SPMIP7: variants seen among roughly 807,000 people sequenced by gnomAD.
SPMIP7 encodes sperm microtubule inner protein 7.
At chr7:50,096,188 C>G in the SPMIP7 span, 4 of 1,551,716 alleles carry the variant, frequency 2.6e-6, no homozygotes, top group Non-Finnish European at 3.5e-6. Flanking sequence ...CTATTGTGAT[C>G]TCTTAAGAAA....
the SPMIP7 span, among the ~76,000 whole-genome samples, chr7:50,127,650 G>A: frequency 2.2e-5 from 3 of 133,874 alleles, no homozygotes; most frequent in African/African-American, 5.7e-5. Flanking sequence ...TTAAAAATGG[G>A]CAAAAGATAT....
chr7:50,105,280 TCA>T, the SPMIP7 span, among the ~76,000 whole-genome samples: 30 of 152,230 alleles, frequency 2.0e-4, no homozygotes, highest in African/African-American at 6.8e-4. Context: ...CTTCGAATAT[TCA>T]CAGAGTTGTG....
At chr7:50,107,747 C>T in the SPMIP7 span, among the ~76,000 whole-genome samples, 12 of 152,132 alleles carry the variant, frequency 7.9e-5, no homozygotes, top group African/African-American at 2.9e-4. Context: ...CCTGAGGCAT[C>T]CCCTTACATT....
At chr7:50,123,506 A>T in the SPMIP7 span, among the ~76,000 whole-genome samples, 1 of 150,924 alleles carries the variant, frequency 6.6e-6, no homozygotes, top group East Asian at 2.0e-4. Flanking sequence ...AGCATGTCAC[A>T]TGTATACATA....
the SPMIP7 span, among the ~76,000 whole-genome samples, chr7:50,124,381 C>T: frequency 7.7e-3 from 1,172 of 152,158 alleles, 22 homozygotes; most frequent in African/African-American, 0.027. Flanking sequence ...CATCAATCAC[C>T]TTCAGGTAGT....
the SPMIP7 span, among the ~76,000 whole-genome samples, chr7:50,101,709 CCAAATAAGATAGATACCACAAAATGCCAT>C: frequency 2.0e-5 from 3 of 152,114 alleles, no homozygotes; most frequent in Non-Finnish European, 2.9e-5. Flanking sequence ...TTGAATGGCT[CCAAATAAGATAGATACCACAAAATGCCAT>C]CCTGTTGCTT....
At chr7:50,096,639 G>A in the SPMIP7 span, 6 of 1,525,068 alleles carry the variant, frequency 3.9e-6, no homozygotes, top group South Asian at 2.5e-5. Flanking sequence ...AGACTTGGAG[G>A]TAAATGAAGT....
chr7:50,126,827 C>T, the SPMIP7 span, among the ~76,000 whole-genome samples: 3 of 151,368 alleles, frequency 2.0e-5, no homozygotes, highest in Admixed American at 6.6e-5. Flanking sequence ...ATAATGAACA[C>T]GTATATTGAA....
At chr7:50,152,236 A>G in the SPMIP7 span, among the ~76,000 whole-genome samples, 1 of 151,990 alleles carries the variant, frequency 6.6e-6, no homozygotes, top group Admixed American at 6.6e-5. Flanking sequence ...AATCCCAGCT[A>G]TTTGGGAGGC....
chr7:50,115,636 C>G, the SPMIP7 span, among the ~76,000 whole-genome samples: 2 of 152,138 alleles, frequency 1.3e-5, no homozygotes, highest in South Asian at 4.2e-4. Flanking sequence ...AACATATGTG[C>G]ACATTTAGAA....
the SPMIP7 span, chr7:50,159,177 G>A: frequency 2.6e-6 from 4 of 1,550,396 alleles, no homozygotes; most frequent in African/African-American, 2.7e-5. Context: ...TAGAGGAGGC[G>A]GCCCTGCGCG....
At chr7:50,145,297 G>A in the SPMIP7 span, among the ~76,000 whole-genome samples, 1 of 151,012 alleles carries the variant, frequency 6.6e-6, no homozygotes, top group Non-Finnish European at 1.5e-5. Flanking sequence ...TTTCAAATCT[G>A]TTGTTTTTAT....
At chr7:50,121,093 T>G in the SPMIP7 span, among the ~76,000 whole-genome samples, 1 of 152,148 alleles carries the variant, frequency 6.6e-6, no homozygotes, top group Non-Finnish European at 1.5e-5. Flanking sequence ...AAAGATCTCA[T>G]TACAGTTAGA....
chr7:50,145,392 T>C, the SPMIP7 span, among the ~76,000 whole-genome samples: 382 of 151,470 alleles, frequency 2.5e-3, 4 homozygotes, highest in South Asian at 1.7e-3. Flanking sequence ...GTAACCATTT[T>C]ACAGTCCCAT....
chr7:50,129,699 AT>A, the SPMIP7 span: 1 of 1,512,304 alleles, frequency 6.6e-7, no homozygotes, highest in Middle Eastern at 2.1e-4. Context: ...CTTTTAACTT[AT>A]TTTTCATGCC....
the SPMIP7 span, among the ~76,000 whole-genome samples, chr7:50,125,149 C>T: frequency 2.4e-4 from 27 of 112,416 alleles, 1 homozygote; most frequent in African/African-American, 8.6e-4. Flanking sequence ...CACATATACA[C>T]ACATATATAT....
the SPMIP7 span, among the ~76,000 whole-genome samples, chr7:50,115,047 A>T: frequency 1.3e-5 from 2 of 149,062 alleles, no homozygotes; most frequent in Non-Finnish European, 3.0e-5. Context: ...AAAAAAAAAA[A>T]TTAGTACCCT....
At chr7:50,107,057 C>A in the SPMIP7 span, among the ~76,000 whole-genome samples, 1 of 151,974 alleles carries the variant, frequency 6.6e-6, no homozygotes, top group Non-Finnish European at 1.5e-5. Context: ...GCCAACATGG[C>A]AAAACCCCAT....
At chr7:50,110,902 TTATA>T in the SPMIP7 span, among the ~76,000 whole-genome samples, 1 of 137,208 alleles carries the variant, frequency 7.3e-6, no homozygotes, top group Non-Finnish European at 1.5e-5. Flanking sequence ...TAATATATGA[TTATA>T]TATAAAAAGC....
Sources: gnomAD v4.1 joint callset for allele counts (sites outside exome capture counted in the v4.1 genomes callset) on GRCh38, gnomAD v4.1.1 for gene constraint, MANE v1.5 for transcripts, NCBI Gene and HGNC (gene_info 2026-07-23, HGNC 2026-07-21) for gene names.